LGMN: variants seen among roughly 807,000 people sequenced by gnomAD.
LGMN encodes the protein legumain.
Under a neutral mutation model 56.8 loss-of-function variants are expected in LGMN, and 36 were observed. The ratio of observed to expected loss-of-function variants is 0.63; its 90% CI spans 0.49 to 0.84. The LOEUF (loss-of-function observed/expected upper bound fraction) is 0.84, where lower values mean the gene tolerates loss of function less well. Ranked by LOEUF, LGMN falls within the 40% of genes least tolerant of loss-of-function variation. The pLI is 0.00. For synonymous variants in LGMN, 199 were observed against 210.1 expected, an observed-to-expected ratio of 0.95 and a Z score of 0.46; for missense variants, 446 against 556.1, an observed-to-expected ratio of 0.80 and a Z score of 1.99.
chr14:92,717,834 C>T (rs1228891579), intron 3 of LGMN, among the ~76,000 whole-genome samples: 1 of 152,198 alleles, frequency 6.6e-6, no homozygotes, highest in African/African-American at 2.4e-5. Flanking sequence ...GACTTTAATA[C>T]AAGAGCTTAG....
intron 2 of LGMN, among the ~76,000 whole-genome samples, chr14:92,729,837 A>G (rs988550028): frequency 6.6e-6 from 1 of 152,188 alleles, no homozygotes; most frequent in African/African-American, 2.4e-5. Context: ...GCAGGGGTGA[A>G]TCGGCACAAA....
chr14:92,719,249 C>A (rs1454147992), intron 2 of LGMN, among the ~76,000 whole-genome samples: 67 of 19,496 alleles, frequency 3.4e-3, no homozygotes, highest in African/African-American at 9.5e-3. Flanking sequence ...ACCACCGCCA[C>A]CACCACCACC....
At chr14:92,732,540 A>G in intron 2 of LGMN, 109 bp downstream of exon 2, 1 of 1,233,798 alleles carries the variant, frequency 8.1e-7, no homozygotes, top group East Asian at 2.3e-5. Flanking sequence ...CCAGCCTAAC[A>G]GGTCCGTCAA....
Position 92,719,236 on chromosome 14 carries a change from GCCACCACCGCCACCACCACCACCGCCA to G in LGMN, c.139-419_139-393del, listed in dbSNP as rs1566924022. On this transcript the variant is annotated intron_variant, in intron 2 of 13. Transcript: ENST00000334869. ...CGCCACCAACACCACCACCGCCACC[GCCACCACCGCCACCACCACCACCGCCA>G]CCGCCGCCGCCGCCACCGCCGCCGC... Among the ~76,000 whole-genome samples, 19 of 72,870 alleles carry G rather than the reference GCCACCACCGCCACCACCACCACCGCCA, an allele frequency of 2.6e-4. 1 individual carries two copies. Among genetic ancestry groups the G allele is most frequent in the African/African-American group, 1.2e-3 (18 of 15,596 alleles). The allele number at this position is 72,870 out of a possible 152,430, so 47.8% of individuals were successfully genotyped here.
intron 2 of LGMN, among the ~76,000 whole-genome samples, chr14:92,730,469 G>A (rs571949936): frequency 4.7e-4 from 72 of 152,122 alleles, no homozygotes; most frequent in Non-Finnish European, 7.6e-4. Flanking sequence ...AAGCTGGAGC[G>A]CAGTGGCTAT....
intron 1 of LGMN, among the ~76,000 whole-genome samples, chr14:92,746,129 A>G (rs1220690097): frequency 6.6e-6 from 1 of 152,056 alleles, no homozygotes; most frequent in African/African-American, 2.4e-5. Flanking sequence ...CGAGAATCTC[A>G]TTTTCTTCAA....
At chr14:92,735,485 G>C (rs547443551) in intron 1 of LGMN, among the ~76,000 whole-genome samples, 1 of 152,222 alleles carries the variant, frequency 6.6e-6, no homozygotes, top group East Asian at 1.9e-4. Flanking sequence ...GGGATTACAG[G>C]TGTGAGTCAC....
intron 12 of LGMN, among the ~76,000 whole-genome samples, chr14:92,705,689 A>G (rs1172026431): frequency 6.6e-6 from 1 of 151,900 alleles, no homozygotes; most frequent in East Asian, 1.9e-4. Context: ...GTATAGTGGC[A>G]CAATCTCGGC....
At chr14:92,719,483 C>G (rs1595542023) in intron 2 of LGMN, among the ~76,000 whole-genome samples, 2 of 152,152 alleles carry the variant, frequency 1.3e-5, no homozygotes, top group East Asian at 3.9e-4. Context: ...TTTTATTTTT[C>G]AGACTATATA....
At chr14:92,732,837 C>T in intron 1 of LGMN, 22 bp from the exon 2 acceptor site, 1 of 1,592,762 alleles carries the variant, frequency 6.3e-7, no homozygotes. Flanking sequence ...AACACAGAGT[C>T]AAGTACAAAG....
intron 2 of LGMN, among the ~76,000 whole-genome samples, chr14:92,725,118 C>G (rs1890678747): frequency 6.6e-6 from 1 of 152,188 alleles, no homozygotes; most frequent in East Asian, 1.9e-4. Flanking sequence ...ATGGTCTTTC[C>G]AAGGTCCTGT....
At chr14:92,729,180 GTGCCTGCGCACCTC>G (rs1890902572) in intron 2 of LGMN, among the ~76,000 whole-genome samples, 1 of 143,798 alleles carries the variant, frequency 7.0e-6, no homozygotes, top group Non-Finnish European at 1.5e-5. Flanking sequence ...CACTTCCCAG[GTGCCTGCGCACCTC>G]TGCCCATCCT....
At chr14:92,725,366 T>G (rs895829869) in intron 2 of LGMN, among the ~76,000 whole-genome samples, 2 of 151,794 alleles carry the variant, frequency 1.3e-5, no homozygotes, top group East Asian at 1.9e-4. Context: ...CTGGGAAACA[T>G]AGCAAGACTT....
chr14:92,720,752 C>CTACAT (rs199684762), intron 2 of LGMN, among the ~76,000 whole-genome samples: 3,776 of 152,238 alleles, frequency 0.025, 145 homozygotes, highest in East Asian at 0.14. Context: ...GAAGCCTGCA[C>CTACAT]TACATTACAT....
Position 92,706,591 on chromosome 14 carries a change from A to G in LGMN, c.1083T>C (p.Ala361=). The G allele has an allele frequency of 6.2e-7, 1 of 1,603,388 alleles. No individual in the cohort carries two copies. The highest frequency in any genetic ancestry group is 8.5e-7 in the Non-Finnish European group (1 of 1,171,404). The change falls in exon 12 of 14, where the codon GCT becomes GCC. Residue 361 remains alanine (A), a synonymous_variant. Coordinates refer to ENST00000334869, the MANE Select transcript of LGMN (RefSeq NM_005606.7). ...TCTCGGACAGGAGCTGCTCCACCTC[A>G]GCCTCGGACGCTGCCAGCAAGGAGA... The part of the protein sequence containing the change: ...KIVSLLAASE[A]EVEQLLSERA...
At chr14:92,747,376 A>T (rs988738697) in intron 1 of LGMN, among the ~76,000 whole-genome samples, 3 of 152,054 alleles carry the variant, frequency 2.0e-5, no homozygotes, top group Non-Finnish European at 4.4e-5. Flanking sequence ...CTGTAATCCC[A>T]GAACTCGGGA....
intron 7 of LGMN, 104 bp downstream of exon 7, chr14:92,713,719 C>T: frequency 1.2e-6 from 1 of 813,948 alleles, no homozygotes; most frequent in Non-Finnish European, 2.2e-6. Flanking sequence ...TTCTAGAAAA[C>T]ACAGCACCCA....
chr14:92,729,562 C>G (rs1237236961), intron 2 of LGMN, among the ~76,000 whole-genome samples: 1 of 140,700 alleles, frequency 7.1e-6, no homozygotes, highest in African/African-American at 2.6e-5. Context: ...GTTTAATTAA[C>G]AAGTATAACA....
At chr14:92,730,810 A>G (rs1360267380) in intron 2 of LGMN, among the ~76,000 whole-genome samples, 1 of 151,982 alleles carries the variant, frequency 6.6e-6, no homozygotes, top group East Asian at 1.9e-4. Flanking sequence ...TGGACCTGTA[A>G]TATCAGCTAC....
Sources: gnomAD v4.1 joint callset for allele counts (sites outside exome capture counted in the v4.1 genomes callset) on GRCh38, gnomAD v4.1.1 for gene constraint, MANE v1.5 for transcripts, NCBI Gene and HGNC (gene_info 2026-07-23, HGNC 2026-07-21) for gene names.